CTNNBL1: variants seen among roughly 807,000 people sequenced by gnomAD.
The protein encoded by CTNNBL1 is beta-catenin-like protein 1.
In CTNNBL1, 31 loss-of-function variants were observed where a neutral mutation model predicts 72.7. The ratio of observed to expected loss-of-function variants is 0.43; its 90% CI spans 0.32 to 0.58. CTNNBL1 has a LOEUF of 0.58. Among genes scored for constraint, CTNNBL1 ranks in the 20% least tolerant of loss-of-function variants. The pLI is 0.08. For synonymous variants in CTNNBL1, 240 were observed against 267.3 expected (o/e 0.90, Z 1.00); for missense variants, 534 against 725.1 (o/e 0.74, Z 3.03).
chr20:37,763,438 C>T (rs2073436301), intron 5 of CTNNBL1, among the ~76,000 whole-genome samples: 1 of 152,136 alleles, frequency 6.6e-6, no homozygotes, highest in African/African-American at 2.4e-5. Context: ...TTCCTCATAC[C>T]AGGGCATAAA....
intron 2 of CTNNBL1, 60 bp downstream of exon 2, chr20:37,733,127 G>C: frequency 6.8e-7 from 1 of 1,468,980 alleles, no homozygotes. Flanking sequence ...GTAATTTTGG[G>C]CCAAATACTA....
chr20:37,864,155 T>C (rs1475903247), intron 15 of CTNNBL1, among the ~76,000 whole-genome samples: 1 of 151,630 alleles, frequency 6.6e-6, no homozygotes, highest in Admixed American at 6.6e-5. Context: ...GGGACCCCCG[T>C]CCAAAAGCCC....
chr20:37,811,056 A>T (rs2072008303), intron 11 of CTNNBL1, among the ~76,000 whole-genome samples: 1 of 152,184 alleles, frequency 6.6e-6, no homozygotes, highest in South Asian at 2.1e-4. Flanking sequence ...TCCAGTTTGT[A>T]TTCCTCCTCC....
At chr20:37,838,680 G>T (rs1299144640) in intron 11 of CTNNBL1, among the ~76,000 whole-genome samples, 1 of 152,180 alleles carries the variant, frequency 6.6e-6, no homozygotes, top group Non-Finnish European at 1.5e-5. Flanking sequence ...TTGAGGCCAG[G>T]AGTTCAACAC....
At chr20:37,695,879 C>G (rs564196282) in intron 1 of CTNNBL1, among the ~76,000 whole-genome samples, 1 of 152,288 alleles carries the variant, frequency 6.6e-6, no homozygotes, top group African/African-American at 2.4e-5. Context: ...CATACCACTC[C>G]CTCAGCCAAA....
intron 15 of CTNNBL1, among the ~76,000 whole-genome samples, chr20:37,868,361 C>T (rs916284314): frequency 2.0e-5 from 3 of 151,836 alleles, no homozygotes; most frequent in African/African-American, 7.3e-5. Flanking sequence ...TAGACTTGGG[C>T]GGGTTGCTTC....
chr20:37,847,072 G>A (rs1221452755), intron 13 of CTNNBL1, among the ~76,000 whole-genome samples: 6 of 152,148 alleles, frequency 3.9e-5, no homozygotes, highest in South Asian at 2.1e-4. Context: ...GTCACCCTGC[G>A]CTTTCCACAT....
chr20:37,823,267 AAAAG>A (rs2072126639), intron 11 of CTNNBL1, among the ~76,000 whole-genome samples: 1 of 152,234 alleles, frequency 6.6e-6, no homozygotes, highest in South Asian at 2.1e-4. Context: ...CTGAGACTAG[AAAAG>A]AAAGAGCTAT....
intron 1 of CTNNBL1, among the ~76,000 whole-genome samples, chr20:37,726,101 A>T (rs916067759): frequency 1.3e-5 from 2 of 152,250 alleles, no homozygotes; most frequent in African/African-American, 4.8e-5. Context: ...TGAAGCGTAG[A>T]GGGAGTAACT....
At chr20:37,776,462 A>G (rs2073574335) in intron 7 of CTNNBL1, among the ~76,000 whole-genome samples, 2 of 152,212 alleles carry the variant, frequency 1.3e-5, no homozygotes, top group Admixed American at 1.3e-4. Flanking sequence ...TTGTCATTTC[A>G]AAAACACAGA....
At chr20:37,838,680 G>A (rs1299144640) in intron 11 of CTNNBL1, among the ~76,000 whole-genome samples, 1 of 152,180 alleles carries the variant, frequency 6.6e-6, no homozygotes, top group Non-Finnish European at 1.5e-5. Context: ...TTGAGGCCAG[G>A]AGTTCAACAC....
chr20:37,862,307 A>T (rs1414008589), intron 15 of CTNNBL1, among the ~76,000 whole-genome samples: 1 of 152,024 alleles, frequency 6.6e-6, no homozygotes, highest in Non-Finnish European at 1.5e-5. Context: ...TTCAATTAGA[A>T]CTTCTTATTA....
chr20:37,759,942 T>C (rs1337326909), intron 5 of CTNNBL1, among the ~76,000 whole-genome samples: 3 of 152,242 alleles, frequency 2.0e-5, no homozygotes, highest in African/African-American at 7.2e-5. Context: ...CTAGAGGGCA[T>C]GTGGCAGAAT....
At chr20:37,847,644 G>A (rs957617209) in intron 13 of CTNNBL1, among the ~76,000 whole-genome samples, 2 of 152,138 alleles carry the variant, frequency 1.3e-5, no homozygotes, top group Non-Finnish European at 2.9e-5. Flanking sequence ...GCTTTTGACT[G>A]TCAGAAAGAA....
intron 11 of CTNNBL1, among the ~76,000 whole-genome samples, chr20:37,832,043 T>G (rs1023007766): frequency 6.6e-5 from 10 of 152,222 alleles, no homozygotes; most frequent in African/African-American, 2.4e-4. Context: ...ACCTTAGCAC[T>G]GTCTGCAGGT....
At chr20:37,803,524 A>G (rs1430772477) in intron 11 of CTNNBL1, among the ~76,000 whole-genome samples, 1 of 152,166 alleles carries the variant, frequency 6.6e-6, no homozygotes, top group South Asian at 2.1e-4. Flanking sequence ...GCACGCTCCC[A>G]GCAAAATGCT....
intron 11 of CTNNBL1, among the ~76,000 whole-genome samples, chr20:37,809,950 T>C (rs570202204): frequency 1.3e-5 from 2 of 152,230 alleles, no homozygotes; most frequent in South Asian, 4.1e-4. Context: ...AAGAGTGTTG[T>C]TAATGAGTTA....
chr20:37,783,897 T>C (rs1209362563), intron 10 of CTNNBL1, among the ~76,000 whole-genome samples: 1 of 152,144 alleles, frequency 6.6e-6, no homozygotes, highest in African/African-American at 2.4e-5. Context: ...CAGATGAAGT[T>C]TGATGTTTGT....
At chr20:37,728,370 A>C (rs1429981106) in intron 1 of CTNNBL1, among the ~76,000 whole-genome samples, 1 of 152,236 alleles carries the variant, frequency 6.6e-6, no homozygotes, top group African/African-American at 2.4e-5. Flanking sequence ...AAATGTGGCT[A>C]CTAAAAAATT....
Sources: gnomAD v4.1 joint callset for allele counts (sites outside exome capture counted in the v4.1 genomes callset) on GRCh38, gnomAD v4.1.1 for gene constraint, MANE v1.5 for transcripts, NCBI Gene and HGNC (gene_info 2026-07-23, HGNC 2026-07-21) for gene names.